The following FBXO36 variants were observed in gnomAD, a reference collection of about 807,000 sequenced individuals.
FBXO36 encodes F-box only protein 36.
A neutral mutation model predicts 17.0 loss-of-function variants in FBXO36; 18 were observed. The observed-to-expected ratio is 1.06, with a 90% CI of 0.73 to 1.57. FBXO36 has a LOEUF of 1.57. Ranked by LOEUF, FBXO36 falls within the 40% of genes most tolerant of loss-of-function variation. The pLI is 0.00. For synonymous variants in FBXO36, 83 were observed against 85.3 expected (o/e 0.97, Z 0.15); for missense variants, 229 against 221.9 (o/e 1.03, Z -0.20).
At chr2:229,959,093 T>C (rs1046088884) in intron 1 of FBXO36, among the ~76,000 whole-genome samples, 1 of 152,198 alleles carries the variant, frequency 6.6e-6, no homozygotes, top group African/African-American at 2.4e-5. Context: ...AGGTTATCCA[T>C]CTTGTAGCCT....
chr2:229,997,663 C>A (rs776642340), intron 3 of FBXO36, among the ~76,000 whole-genome samples: 9 of 151,936 alleles, frequency 5.9e-5, no homozygotes, highest in Non-Finnish European at 1.2e-4. Flanking sequence ...ATAGCCTTTG[C>A]TGCATTTCCT....
intron 1 of FBXO36, among the ~76,000 whole-genome samples, chr2:229,930,479 GGTGACTCACGCCTGTA>G (rs1450315094): frequency 6.6e-6 from 1 of 152,000 alleles, no homozygotes; most frequent in Non-Finnish European, 1.5e-5. Context: ...GGCTGGGCAC[GGTGACTCACGCCTGTA>G]ATCCCAGCAC....
intron 2 of FBXO36, among the ~76,000 whole-genome samples, chr2:229,986,419 C>T (rs1029132898): frequency 6.6e-6 from 1 of 152,040 alleles, no homozygotes; most frequent in African/African-American, 2.4e-5. Context: ...GGGAGGATCA[C>T]TTGTATACAA....
At chr2:229,955,011 G>A (rs754762737) in intron 1 of FBXO36, among the ~76,000 whole-genome samples, 11 of 151,196 alleles carry the variant, frequency 7.3e-5, no homozygotes, top group Non-Finnish European at 1.3e-4. Context: ...CACCACGCCC[G>A]GCTAATATTT....
At position 230,012,269 on chromosome 2, in the gene FBXO36, T is replaced by TA. The variant is rs879727787; in HGVS notation, c.*1396dup. ...GCTCTACAGCATGGCTTAGTGACAT[T>TA]AAAAAAAAAAACTGAACCCATGTTA... On this transcript the variant is annotated 3_prime_UTR_variant, in exon 4 of 4. Coordinates refer to ENST00000283946, the MANE Select transcript of FBXO36 (RefSeq NM_174899.5). 229 of 146,008 alleles carry TA rather than the reference T, an allele frequency of 1.6e-3. No homozygotes were observed. The highest frequency in any genetic ancestry group is 0.01 in the Middle Eastern group (3 of 288). 9.0% of individuals were successfully genotyped at this position (146,008 alleles called of 1,614,324 possible).
chr2:229,924,580 T>C (rs987529235), intron 1 of FBXO36, among the ~76,000 whole-genome samples: 3 of 152,212 alleles, frequency 2.0e-5, no homozygotes, highest in African/African-American at 4.8e-5. Flanking sequence ...TCTGGTATTT[T>C]ACAAGTATGC....
At chr2:229,949,591 G>T (rs2077046002) in intron 1 of FBXO36, among the ~76,000 whole-genome samples, 1 of 150,704 alleles carries the variant, frequency 6.6e-6, no homozygotes, top group Admixed American at 6.6e-5. Context: ...GTATATAGAT[G>T]CTGAGAAATA....
intron 3 of FBXO36, among the ~76,000 whole-genome samples, chr2:230,008,771 A>G (rs2077400315): frequency 6.6e-6 from 1 of 152,180 alleles, no homozygotes. Context: ...GACATTTTTA[A>G]AGTTTTCCTT....
intron 1 of FBXO36, among the ~76,000 whole-genome samples, chr2:229,957,926 A>C (rs887728559): frequency 3.9e-5 from 6 of 152,216 alleles, no homozygotes; most frequent in Admixed American, 1.3e-4. Flanking sequence ...TACCAGAAGT[A>C]GAAGTATAGA....
intron 1 of FBXO36, among the ~76,000 whole-genome samples, chr2:229,946,481 A>T (rs932846009): frequency 6.6e-6 from 1 of 152,212 alleles, no homozygotes; most frequent in African/African-American, 2.4e-5. Context: ...CTTAGGAAAT[A>T]ATAAGCCAAA....
intron 1 of FBXO36, among the ~76,000 whole-genome samples, chr2:229,934,247 A>G (rs1182084357): frequency 6.6e-6 from 1 of 151,782 alleles, no homozygotes; most frequent in Non-Finnish European, 1.5e-5. Context: ...TAAAAATACA[A>G]AAAATTAGCT....
At chr2:229,963,550 T>C (rs1483472816) in intron 1 of FBXO36, among the ~76,000 whole-genome samples, 1 of 150,474 alleles carries the variant, frequency 6.6e-6, no homozygotes, top group African/African-American at 2.4e-5. Flanking sequence ...GTTCACACCA[T>C]TCTCCTGCCT....
At chr2:229,959,788 G>A (rs940796940) in intron 1 of FBXO36, among the ~76,000 whole-genome samples, 1 of 151,980 alleles carries the variant, frequency 6.6e-6, no homozygotes, top group Non-Finnish European at 1.5e-5. Flanking sequence ...GGAGCTTGCA[G>A]TGAGCCAAGA....
At chr2:229,999,487 GTA>G (rs759734236) in intron 3 of FBXO36, among the ~76,000 whole-genome samples, 1 of 146,830 alleles carries the variant, frequency 6.8e-6, no homozygotes. Flanking sequence ...GTGTGTGTGT[GTA>G]TATATATATG....
intron 1 of FBXO36, among the ~76,000 whole-genome samples, chr2:229,947,702 T>G (rs1304719026): frequency 6.6e-6 from 1 of 152,092 alleles, no homozygotes; most frequent in African/African-American, 2.4e-5. Flanking sequence ...AGTCATGGAG[T>G]TGATATTTTG....
intron 1 of FBXO36, among the ~76,000 whole-genome samples, chr2:229,928,973 A>ATTTT (rs11440617): frequency 2.8e-5 from 4 of 144,850 alleles, no homozygotes; most frequent in Non-Finnish European, 4.5e-5. Context: ...TTTTCTTTTC[A>ATTTT]TTTTTTTTTT....
chr2:229,926,115 C>A (rs1178416397), intron 1 of FBXO36, among the ~76,000 whole-genome samples: 1 of 145,706 alleles, frequency 6.9e-6, no homozygotes, highest in Admixed American at 6.9e-5. Flanking sequence ...CATAGCAAGA[C>A]CCCTTCTCTT....
intron 1 of FBXO36, among the ~76,000 whole-genome samples, chr2:229,943,996 C>T (rs952266438): frequency 6.6e-6 from 1 of 152,076 alleles, no homozygotes; most frequent in African/African-American, 2.4e-5. Context: ...CAGCACCTCC[C>T]CCTTCTCTCT....
chr2:229,948,869 T>A (rs531220023), intron 1 of FBXO36, among the ~76,000 whole-genome samples: 1 of 152,380 alleles, frequency 6.6e-6, no homozygotes, highest in East Asian at 1.9e-4. Flanking sequence ...AGTCTCATTC[T>A]GTTGCCCAGG....
Sources: allele counts gnomAD v4.1 joint callset (sites outside exome capture counted in the v4.1 genomes callset), GRCh38; gene constraint gnomAD v4.1.1; transcripts MANE v1.5; gene names NCBI Gene and HGNC (gene_info 2026-07-23, HGNC 2026-07-21).